NF2: variants seen among roughly 807,000 people sequenced by gnomAD.
The protein encoded by NF2 is NF2, moesin-ezrin-radixin like (MERLIN) tumor suppressor, also known as merlin.
In NF2, 8 loss-of-function variants were observed where a neutral mutation model predicts 83.7. The ratio of observed to expected loss-of-function variants is 0.10; its 90% CI spans 0.06 to 0.17. The LOEUF (loss-of-function observed/expected upper bound fraction) is 0.17. NF2 is among the 10% of genes least tolerant of loss of function. NF2 has a pLI of 1.00. For synonymous variants in NF2, 266 were observed against 269.6 expected, an observed-to-expected ratio of 0.99 and a Z score of 0.13; for missense variants, 533 against 744.4, an observed-to-expected ratio of 0.72 and a Z score of 3.31.
chr22:29,630,002 G>T (rs1210678621), intron 1 of NF2, among the ~76,000 whole-genome samples: 1 of 152,150 alleles, frequency 6.6e-6, no homozygotes, highest in Non-Finnish European at 1.5e-5. Flanking sequence ...CATGGGTCTG[G>T]TTTCTTACTC....
At chr22:29,651,483 C>T (rs2066145907) in intron 4 of NF2, among the ~76,000 whole-genome samples, 1 of 152,218 alleles carries the variant, frequency 6.6e-6, no homozygotes, top group African/African-American at 2.4e-5. Context: ...CCAGTAAATT[C>T]ACCCTGGTTA....
intron 2 of NF2, 50 bp from the exon 3 acceptor site, chr22:29,639,040 G>A: frequency 6.2e-7 from 1 of 1,613,778 alleles, no homozygotes. Flanking sequence ...GGGTAGCACA[G>A]GAGGAAGTGC....
intron 14 of NF2, among the ~76,000 whole-genome samples, chr22:29,678,741 G>A (rs1359430686): frequency 6.6e-6 from 1 of 152,202 alleles, no homozygotes; most frequent in Admixed American, 6.5e-5. Flanking sequence ...ACAAACAAAG[G>A]TGAGAGAAGA....
At chr22:29,644,702 C>T (rs1312572250) in intron 4 of NF2, among the ~76,000 whole-genome samples, 2 of 152,224 alleles carry the variant, frequency 1.3e-5, no homozygotes, top group East Asian at 1.9e-4. Context: ...GCGGATCACT[C>T]GCGGTTAGGA....
rs1006294051 is a variant in NF2, at chr22:29,639,210, C to G, written c.361C>G (p.Gln121Glu). 1 of 1,614,108 alleles carries G rather than the reference C, an allele frequency of 6.2e-7. No individual in the cohort carries two copies. The highest frequency in any genetic ancestry group is 1.7e-5 in the Admixed American group (1 of 60,028). Reference protein sequence around the residue: ...QEITQHLFFLQVKKQILDEKI... With the variant: ...QEITQHLFFLEVKKQILDEKI... The stretch of plus-strand genomic sequence containing the variant: ...GATCACACAACATTTATTCTTCTTA[C>G]AGGTACATCAGTCAAGGCTACCCCC... The change falls in exon 3 of 16, where the codon CAG (glutamine) becomes GAG (glutamate). Residue 121 changes from glutamine to glutamate, a missense_variant and splice_region_variant. Physicochemically the swap from Gln to Glu is conservative, Grantham distance 29 (BLOSUM62 2). Around this residue, in one of 3 missense-constraint regions of NF2, gnomAD observed 326 missense variants for 475.1 expected, o/e 0.69. Transcript: ENST00000338641.
intron 1 of NF2, among the ~76,000 whole-genome samples, chr22:29,621,076 G>A (rs1353708317): frequency 6.6e-6 from 1 of 152,184 alleles, no homozygotes; most frequent in African/African-American, 2.4e-5. Context: ...AGAGAATAGG[G>A]AGAATAGATG....
intron 4 of NF2, among the ~76,000 whole-genome samples, chr22:29,653,062 G>A (rs2066195694): frequency 1.3e-5 from 2 of 152,296 alleles, no homozygotes; most frequent in South Asian, 4.1e-4. Context: ...TAGGATTACA[G>A]GCATGAGCCA....
intron 8 of NF2, among the ~76,000 whole-genome samples, chr22:29,664,290 T>C (rs2066554829): frequency 6.6e-6 from 1 of 151,914 alleles, no homozygotes; most frequent in South Asian, 2.1e-4. Context: ...ACTTTTATTC[T>C]CACTGCCAGC....
intron 1 of NF2, among the ~76,000 whole-genome samples, chr22:29,620,259 C>CA (rs1280294643): frequency 8.6e-5 from 13 of 150,962 alleles, no homozygotes; most frequent in Non-Finnish European, 1.8e-4. Context: ...GACTCTGTCT[C>CA]AAAAAAAAGA....
At chr22:29,654,876 G>A (rs1385367380) in intron 5 of NF2, 151 bp downstream of exon 5, 1 of 697,786 alleles carries the variant, frequency 1.4e-6, no homozygotes, top group South Asian at 1.7e-5. Context: ...TGGGATCTCT[G>A]TTAAGAATAT....
intron 1 of NF2, among the ~76,000 whole-genome samples, chr22:29,607,607 T>C (rs1342371465): frequency 6.6e-6 from 1 of 152,114 alleles, no homozygotes; most frequent in African/African-American, 2.4e-5. Flanking sequence ...AACAAGAAAT[T>C]GTGAGACGTA....
intron 5 of NF2, 133 bp downstream of exon 5, chr22:29,654,858 A>T: frequency 1.3e-6 from 1 of 757,696 alleles, no homozygotes. Flanking sequence ...AATCTCCAGT[A>T]AACAGTGTGG....
At chr22:29,668,973 A>G (rs1239920466) in intron 10 of NF2, among the ~76,000 whole-genome samples, 4 of 152,362 alleles carry the variant, frequency 2.6e-5, no homozygotes, top group Admixed American at 1.3e-4. Flanking sequence ...GATCTGCATC[A>G]TTGTTTTCTA....
intron 1 of NF2, among the ~76,000 whole-genome samples, chr22:29,628,077 A>G (rs375266917): frequency 1.3e-5 from 2 of 152,094 alleles, no homozygotes; most frequent in South Asian, 4.2e-4. Flanking sequence ...AACCACAAGC[A>G]TCAAGCATTT....
intron 1 of NF2, 150 bp downstream of exon 1, chr22:29,604,262 C>CT (rs2064725594): frequency 1.5e-6 from 1 of 687,972 alleles, no homozygotes; most frequent in South Asian, 1.6e-5. Context: ...ATGATTGCTG[C>CT]TTTTTTTCAT....
chr22:29,617,802 C>A lies in NF2; in HGVS notation c.114+13690C>A, dbSNP rs140986530. Among the ~76,000 whole-genome samples the A allele has an allele frequency of 5.5e-4, 83 of 152,218 alleles. 1 individual carries two copies. The East Asian group carries it at 0.013, about 25-fold the overall frequency. On this transcript the variant is annotated intron_variant, in intron 1 of 15. Coordinates refer to ENST00000338641, the MANE Select transcript of NF2 (RefSeq NM_000268.4). ...AGGTGATGATACCTGTGCCACCGGC[C>A]CAAGGACCACACTTTGAATAGCAGA... is the stretch of plus-strand genomic sequence containing the variant.
In NF2 at chr22:29,639,091, TACTGGA is replaced by T. The variant is rs777858863; in HGVS notation, c.243_248del (p.Leu82_Asp83del). 11 of 1,614,222 alleles carry T rather than the reference TACTGGA, an allele frequency of 6.8e-6. No individual in the cohort carries two copies. The Admixed American group carries it at 1.2e-4, about 17-fold the overall frequency. ...GTCTTTTGCTCTGCAATTCTGCAGG[TACTGGA>T]TCATGATGTTTCAAAGGAAGAACCA... is the stretch of plus-strand genomic sequence containing the variant. On this transcript the variant is annotated inframe_deletion and splice_region_variant, in exon 3 of 16. Transcript: ENST00000338641.
chr22:29,622,258 T>C (rs1431151689), intron 1 of NF2, among the ~76,000 whole-genome samples: 1 of 152,242 alleles, frequency 6.6e-6, no homozygotes, highest in Non-Finnish European at 1.5e-5. Context: ...GCCGGATGAA[T>C]GACATGACTA....
chr22:29,689,406 C>T (rs1428287711), intron 15 of NF2, among the ~76,000 whole-genome samples: 7 of 152,000 alleles, frequency 4.6e-5, no homozygotes, highest in South Asian at 2.1e-4. Flanking sequence ...AGGATCTGCA[C>T]GTCCTTTTGT....
Sources: allele counts gnomAD v4.1 joint callset (sites outside exome capture counted in the v4.1 genomes callset), GRCh38; gene constraint gnomAD v4.1.1; regional missense constraint gnomAD v4.1.1; transcripts MANE v1.5; gene names NCBI Gene and HGNC (gene_info 2026-07-23, HGNC 2026-07-21).